Variants in ADCY2 observed in about 807,000 individuals in gnomAD.
ADCY2 encodes the protein adenylate cyclase 2, also known as adenylate cyclase type 2.
ADCY2 carries 31 observed loss-of-function variants against 125.2 expected under a neutral mutation model. That is an observed-to-expected ratio of 0.25 (90% CI 0.19 to 0.33). The LOEUF is 0.33. Among genes scored for constraint, ADCY2 ranks in the 10% least tolerant of loss-of-function variants. The pLI is 1.00. For missense variants in ADCY2, 904 were observed against 1,418.2 expected (o/e 0.64, Z 5.82); for synonymous variants, 512 against 548.4 (o/e 0.93, Z 0.93).
intron 2 of ADCY2, among the ~76,000 whole-genome samples, chr5:7,419,682 C>T (rs918196632): frequency 3.3e-5 from 5 of 152,148 alleles, no homozygotes; most frequent in African/African-American, 1.2e-4. Context: ...TAAATAAACA[C>T]ACTCTTCTCG....
intron 3 of ADCY2, among the ~76,000 whole-genome samples, chr5:7,536,563 G>A (rs1734820000): frequency 6.6e-6 from 1 of 152,242 alleles, no homozygotes; most frequent in Admixed American, 6.5e-5. Flanking sequence ...TCTTACCCAT[G>A]CAATACCTCA....
chr5:7,738,436 G>A (rs1742310384), intron 14 of ADCY2, among the ~76,000 whole-genome samples: 1 of 151,860 alleles, frequency 6.6e-6, no homozygotes, highest in African/African-American at 2.4e-5. Context: ...AAAAATAAAT[G>A]AGACAAATAT....
intron 7 of ADCY2, among the ~76,000 whole-genome samples, chr5:7,704,155 G>A (rs901457912): frequency 1.3e-5 from 2 of 152,050 alleles, no homozygotes; most frequent in African/African-American, 2.4e-5. Context: ...TGAGCCGTGC[G>A]TGGGATGGGT....
chr5:7,745,473 T>C (rs1240977906), intron 15 of ADCY2, among the ~76,000 whole-genome samples: 5 of 152,204 alleles, frequency 3.3e-5, no homozygotes, highest in African/African-American at 1.2e-4. Flanking sequence ...CTGAAGACAT[T>C]GTGGGTTGTA....
At chr5:7,472,625 C>A (rs1742383046) in intron 2 of ADCY2, among the ~76,000 whole-genome samples, 1 of 152,118 alleles carries the variant, frequency 6.6e-6, no homozygotes, top group South Asian at 2.1e-4. Flanking sequence ...ATGAATAGGA[C>A]AGCAGAGACC....
intron 14 of ADCY2, among the ~76,000 whole-genome samples, chr5:7,733,519 G>A (rs181650487): frequency 1.3e-3 from 194 of 152,274 alleles, no homozygotes; most frequent in African/African-American, 4.3e-3. Context: ...AAACTCAAGG[G>A]CTCAGTTCTG....
intron 3 of ADCY2, among the ~76,000 whole-genome samples, chr5:7,529,204 A>G (rs548871991): frequency 3.3e-5 from 5 of 150,494 alleles, no homozygotes; most frequent in Non-Finnish European, 7.4e-5. Flanking sequence ...TAAAACAGAA[A>G]TGATTATCAT....
intron 2 of ADCY2, among the ~76,000 whole-genome samples, chr5:7,482,104 T>C (rs1009841786): frequency 6.6e-6 from 1 of 152,172 alleles, no homozygotes; most frequent in African/African-American, 2.4e-5. Context: ...GTATAAGATT[T>C]AAATTTTCAA....
intron 4 of ADCY2, among the ~76,000 whole-genome samples, chr5:7,630,581 T>A (rs768330702): frequency 1.9e-4 from 29 of 152,148 alleles, no homozygotes; most frequent in Non-Finnish European, 2.8e-4. Context: ...AGGTTACAAG[T>A]CCAAAATCAG....
intron 3 of ADCY2, among the ~76,000 whole-genome samples, chr5:7,582,770 A>T (rs552671216): frequency 1.3e-5 from 2 of 152,086 alleles, no homozygotes; most frequent in African/African-American, 4.8e-5. Context: ...TAAAACTAAC[A>T]TTTTACTCAA....
At chr5:7,463,354 G>T (rs1177020187) in intron 2 of ADCY2, among the ~76,000 whole-genome samples, 1 of 152,132 alleles carries the variant, frequency 6.6e-6, no homozygotes, top group Admixed American at 6.5e-5. Flanking sequence ...TCGTTCCATG[G>T]TGCATATGGT....
At chr5:7,650,929 G>A (rs1739065643) in intron 4 of ADCY2, among the ~76,000 whole-genome samples, 1 of 152,162 alleles carries the variant, frequency 6.6e-6, no homozygotes, top group Non-Finnish European at 1.5e-5. Flanking sequence ...TTACTGACAA[G>A]ACGTTGCTCG....
At chr5:7,546,972 T>C (rs1226807425) in intron 3 of ADCY2, among the ~76,000 whole-genome samples, 1 of 152,186 alleles carries the variant, frequency 6.6e-6, no homozygotes, top group East Asian at 1.9e-4. Context: ...TTTACATCAT[T>C]ATTTGTTCAG....
chr5:7,438,084 T>C (rs1329320560), intron 2 of ADCY2, among the ~76,000 whole-genome samples: 1 of 152,168 alleles, frequency 6.6e-6, no homozygotes, highest in Non-Finnish European at 1.5e-5. Context: ...TTTTGTGTGG[T>C]AGCCTGGCTG....
chr5:7,765,938 CGA>C (rs145505658), intron 16 of ADCY2, among the ~76,000 whole-genome samples: 13 of 149,030 alleles, frequency 8.7e-5, no homozygotes, highest in Non-Finnish European at 1.6e-4. Context: ...AGCGAGCGAG[CGA>C]GAGAGAGAGA....
At chr5:7,451,642 TC>T (rs1328079110) in intron 2 of ADCY2, among the ~76,000 whole-genome samples, 1 of 152,206 alleles carries the variant, frequency 6.6e-6, no homozygotes, top group Non-Finnish European at 1.5e-5. Context: ...TGAAGGAAGT[TC>T]TAGTGTGGGT....
At chr5:7,640,363 C>T (rs765997304) in intron 4 of ADCY2, among the ~76,000 whole-genome samples, 5 of 152,072 alleles carry the variant, frequency 3.3e-5, no homozygotes, top group Non-Finnish European at 5.9e-5. Context: ...AGACATAACA[C>T]TTTTATATGA....
At chr5:7,438,251 G>A (rs113205081) in intron 2 of ADCY2, among the ~76,000 whole-genome samples, 20 of 152,260 alleles carry the variant, frequency 1.3e-4, no homozygotes, top group African/African-American at 4.3e-4. Context: ...CTTACCCACC[G>A]TTATTTATTT....
Position 7,813,424 on chromosome 5 carries a change from G to A in ADCY2, c.2884-3442G>A, listed in dbSNP as rs186032057. Among the ~76,000 whole-genome samples, 437 of 152,280 alleles carry A rather than the reference G, an allele frequency of 2.9e-3. 2 individuals are homozygous for A. The highest frequency in any genetic ancestry group is 4.6e-3 in the Non-Finnish European group (315 of 68,014). ...CTTGGTAAACATGCATCTACTTTAA[G>A]CAATGTTCCTTGCTGGTGAAACTTC... On this transcript the variant is annotated intron_variant, in intron 22 of 24. Coordinates refer to ENST00000338316, the MANE Select transcript of ADCY2 (RefSeq NM_020546.3).
Sources: gnomAD v4.1 joint callset for allele counts (sites outside exome capture counted in the v4.1 genomes callset) on GRCh38, gnomAD v4.1.1 for gene constraint, MANE v1.5 for transcripts, NCBI Gene and HGNC (gene_info 2026-07-23, HGNC 2026-07-21) for gene names.